The following TFCP2 variants were observed in gnomAD, a reference collection of about 807,000 sequenced individuals.
TFCP2 encodes alpha-globin transcription factor CP2.
In TFCP2, 33 loss-of-function variants were observed where a neutral mutation model predicts 73.4. That is an observed-to-expected ratio of 0.45 (90% CI 0.34 to 0.60). The LOEUF is 0.60. Among genes scored for constraint, TFCP2 ranks in the 20% least tolerant of loss-of-function variants. TFCP2 has a pLI of 0.01. For synonymous variants in TFCP2, 193 were observed against 211.6 expected, an observed-to-expected ratio of 0.91 and a Z score of 0.76; for missense variants, 352 against 604.0, an observed-to-expected ratio of 0.58 and a Z score of 4.37.
intron 1 of TFCP2, among the ~76,000 whole-genome samples, chr12:51,163,282 C>G (rs112916474): frequency 0.027 from 4,027 of 151,674 alleles, 164 homozygotes; most frequent in African/African-American, 0.09. Flanking sequence ...AGAGCAAGAC[C>G]CTGTCTTAAA....
At chr12:51,118,889 A>G in intron 1 of TFCP2, 117 bp from the exon 2 acceptor site, 1 of 1,184,788 alleles carries the variant, frequency 8.4e-7, no homozygotes, top group Middle Eastern at 2.3e-4. Context: ...ACCTTGGTGG[A>G]GTTTCATCCC....
rs149966729 is a variant in TFCP2, at chr12:51,095,264, T to C, written c.1486A>G (p.Ser496Gly). Reference protein sequence around the residue: ...LDTMKAETNDSYHIILK With the variant: ...LDTMKAETNDGYHIILK ...TCCTACTTCAGTATGATATGATAGCTATCATTGGTTTCTGCTGTTAAAAAA... is the reference window on the plus strand; with the variant it reads ...TCCTACTTCAGTATGATATGATAGCCATCATTGGTTTCTGCTGTTAAAAAA... The change falls in exon 15 of 15, where the codon AGC becomes GGC. Residue 496 changes from serine (S) to glycine (G), a missense_variant. This residue lies in a region of TFCP2 where 194 missense variants were observed against 256.3 expected (regional missense o/e 0.76). Coordinates refer to ENST00000257915, the MANE Select transcript of TFCP2 (RefSeq NM_005653.5). 8.7e-6 allele frequency: 14 copies of C among 1,614,034 alleles called. No homozygotes were observed. In the African/African-American group the frequency reaches 1.1e-4, roughly 12 times the overall value.
chr12:51,131,095 C>T (rs1940934185), intron 1 of TFCP2, among the ~76,000 whole-genome samples: 10 of 150,522 alleles, frequency 6.6e-5, no homozygotes, highest in Admixed American at 6.0e-4. Context: ...TTTGAGAGGC[C>T]GAGGCGGGCG....
intron 1 of TFCP2, among the ~76,000 whole-genome samples, chr12:51,132,821 G>A (rs892026571): frequency 3.4e-4 from 52 of 152,184 alleles, no homozygotes; most frequent in Non-Finnish European, 5.0e-4. Flanking sequence ...GAAAGAGAGC[G>A]AGCTCCAGCC....
At position 51,172,533 on chromosome 12, in the gene TFCP2, C is replaced by G. The variant is rs1219955311; in HGVS notation, c.-111G>C. ...AAGAAAACTACAAACCAAGGTTTCC[C>G]ACGCAGTGCCCACCAGCCACCCCCA... On this transcript the variant is annotated 5_prime_UTR_variant, in exon 1 of 15. Coordinates refer to ENST00000257915, the MANE Select transcript of TFCP2 (RefSeq NM_005653.5). 8 of 1,463,350 alleles carry G rather than the reference C, an allele frequency of 5.5e-6. No homozygotes were observed. The East Asian group carries it at 1.6e-4, about 29-fold the overall frequency. 90.6% of individuals were successfully genotyped at this position (1,463,350 alleles called of 1,614,324 possible).
At chr12:51,155,632 A>G (rs1941520165) in intron 1 of TFCP2, among the ~76,000 whole-genome samples, 1 of 152,172 alleles carries the variant, frequency 6.6e-6, no homozygotes, top group Non-Finnish European at 1.5e-5. Context: ...TTAATTAGCA[A>G]CATTGAGTAT....
At chr12:51,147,504 A>G (rs929770666) in intron 1 of TFCP2, among the ~76,000 whole-genome samples, 8 of 149,766 alleles carry the variant, frequency 5.3e-5, no homozygotes. Context: ...CAAGGCAGAT[A>G]AAGGGAGACC....
chr12:51,108,022 T>A (rs1387651992), intron 6 of TFCP2, among the ~76,000 whole-genome samples: 7 of 150,596 alleles, frequency 4.6e-5, no homozygotes, highest in Admixed American at 2.6e-4. Flanking sequence ...CAGTGGCTCA[T>A]GCCTGTAATC....
intron 1 of TFCP2, among the ~76,000 whole-genome samples, chr12:51,160,426 C>T (rs1416850885): frequency 1.3e-4 from 19 of 151,650 alleles, no homozygotes; most frequent in Non-Finnish European, 4.4e-5. Flanking sequence ...TGAGCCACCG[C>T]GCCCAGCTGT....
intron 3 of TFCP2, 77 bp from the exon 4 acceptor site, chr12:51,116,497 T>C (rs1409409904): frequency 2.0e-5 from 14 of 705,198 alleles, no homozygotes; most frequent in Non-Finnish European, 2.8e-5. Flanking sequence ...CTAGCAGGAT[T>C]CACTGCCAGT....
At position 51,118,635 on chromosome 12, in the gene TFCP2, G is replaced by A; in HGVS notation, c.260C>T (p.Thr87Met). 1 of 1,614,110 alleles carries A rather than the reference G, an allele frequency of 6.2e-7. No homozygotes were observed. Among genetic ancestry groups the A allele is most frequent in the Non-Finnish European group, 8.5e-7 (1 of 1,180,006 alleles). The change falls in exon 2 of 15, where the codon ACG (threonine) becomes ATG (methionine). Residue 87 changes from threonine to methionine, a missense_variant. Physicochemically the swap from Thr to Met is moderately conservative, Grantham distance 81 (BLOSUM62 -1). Around this residue, in one of 6 missense-constraint regions of TFCP2, gnomAD observed 76 missense variants for 163.2 expected, o/e 0.47. Transcript: ENST00000257915. ...PAVKLHDETLTYLNQGQSYEI... is the reference protein window; with the variant it reads ...PAVKLHDETLMYLNQGQSYEI... ...AAGCATCTAACCTTGATTGAGATAC[G>A]TTAGGGTTTCATCATGGAGTTTCAC... is the stretch of plus-strand genomic sequence containing the variant.
At chr12:51,102,906 T>A (rs1259826071) in intron 10 of TFCP2, among the ~76,000 whole-genome samples, 2 of 151,904 alleles carry the variant, frequency 1.3e-5, no homozygotes, top group Non-Finnish European at 2.9e-5. Context: ...TCGGTGCTTT[T>A]TTTTTTTTGG....
chr12:51,143,110 A>C (rs1268605917), intron 1 of TFCP2, among the ~76,000 whole-genome samples: 1 of 151,816 alleles, frequency 6.6e-6, no homozygotes. Flanking sequence ...CTCTTTCTAC[A>C]CTTTCAGAAG....
intron 8 of TFCP2, among the ~76,000 whole-genome samples, chr12:51,105,529 A>G (rs978909716): frequency 1.3e-5 from 2 of 152,214 alleles, no homozygotes; most frequent in African/African-American, 4.8e-5. Context: ...CTTAAACCCT[A>G]TATCATATTT....
chr12:51,101,526 GT>G (rs1424614238), intron 11 of TFCP2, among the ~76,000 whole-genome samples: 2 of 151,896 alleles, frequency 1.3e-5, no homozygotes, highest in Admixed American at 1.3e-4. Context: ...CCACAACCTT[GT>G]TTTTTGCTTA....
chr12:51,110,214 C>A (rs746437490), intron 5 of TFCP2, among the ~76,000 whole-genome samples: 1 of 152,042 alleles, frequency 6.6e-6, no homozygotes, highest in East Asian at 1.9e-4. Flanking sequence ...TAATCAGATA[C>A]GCAAATCAAA....
At chr12:51,122,253 CTT>C (rs11347975) in intron 1 of TFCP2, among the ~76,000 whole-genome samples, 1,142 of 73,170 alleles carry the variant, frequency 0.016, 7 homozygotes, top group African/African-American at 0.059. Context: ...TTTTTCTTTT[CTT>C]TTTTTTTTTT....
At chr12:51,162,443 C>T (rs1160984431) in intron 1 of TFCP2, among the ~76,000 whole-genome samples, 1 of 132,084 alleles carries the variant, frequency 7.6e-6, no homozygotes, top group Non-Finnish European at 1.6e-5. Context: ...TAGACTCCAT[C>T]TCAAAAAAAA....
At chr12:51,138,180 C>T (rs1036677113) in intron 1 of TFCP2, among the ~76,000 whole-genome samples, 20 of 152,078 alleles carry the variant, frequency 1.3e-4, no homozygotes, top group Non-Finnish European at 2.6e-4. Flanking sequence ...AGCACTCTGT[C>T]GCCCAGGCTG....
Sources: allele counts gnomAD v4.1 joint callset (sites outside exome capture counted in the v4.1 genomes callset), GRCh38; gene constraint gnomAD v4.1.1; regional missense constraint gnomAD v4.1.1; transcripts MANE v1.5; gene names NCBI Gene and HGNC (gene_info 2026-07-23, HGNC 2026-07-21).